Variants in SPAM1 observed in about 807,000 individuals in gnomAD.
SPAM1 encodes hyaluronidase PH-20.
In SPAM1, 22 loss-of-function variants were observed where a neutral mutation model predicts 29.6. The observed-to-expected ratio is 0.74, with a 90% confidence interval of 0.53 to 1.06. The LOEUF (loss-of-function observed/expected upper bound fraction) is 1.06. SPAM1 is among the 50% of genes least tolerant of loss of function. The pLI, the probability that SPAM1 is intolerant of heterozygous loss-of-function variation, is 0.00. For missense variants in SPAM1, 534 were observed against 604.0 expected (o/e 0.88, Z 1.21); for synonymous variants, 194 against 204.6 (o/e 0.95, Z 0.44).
intron 1 of SPAM1, among the ~76,000 whole-genome samples, chr7:123,927,719 A>G (rs1807934867): frequency 6.6e-6 from 1 of 152,192 alleles, no homozygotes; most frequent in Non-Finnish European, 1.5e-5. Flanking sequence ...TTATAAAGAA[A>G]GAGGTTATTA....
chr7:123,929,151 C>A (rs1807988692), intron 1 of SPAM1, among the ~76,000 whole-genome samples: 1 of 152,114 alleles, frequency 6.6e-6, no homozygotes, highest in Non-Finnish European at 1.5e-5. Flanking sequence ...GTTAATGCAG[C>A]ATGCCTTTGG....
chr7:123,949,340 CAG>C (rs1808690086), intron 1 of SPAM1, among the ~76,000 whole-genome samples: 1 of 152,024 alleles, frequency 6.6e-6, no homozygotes, highest in African/African-American at 2.4e-5. Context: ...AATGGACACT[CAG>C]AAAATACAAA....
At chr7:123,940,587 A>G (rs1044737904) in intron 1 of SPAM1, among the ~76,000 whole-genome samples, 6 of 151,634 alleles carry the variant, frequency 4.0e-5, no homozygotes, top group Admixed American at 1.3e-4. Flanking sequence ...TTCCTGGCTT[A>G]GAATGATTCT....
In SPAM1 at chr7:123,959,783, T is replaced by C. The variant is rs776018808; in HGVS notation, c.1344T>C (p.Asp448=). 3 of 1,613,142 alleles carry C rather than the reference T, an allele frequency of 1.9e-6. No homozygotes were observed. The highest frequency in any genetic ancestry group is 2.7e-5 in the African/African-American group (2 of 74,858). ...CCTTGAGTTGTAAGGAGAAAGCTGATGTAAAAGACACTGATGCTGTTGATG... is the reference window on the plus strand; with the variant it reads ...CCTTGAGTTGTAAGGAGAAAGCTGACGTAAAAGACACTGATGCTGTTGATG... ...YSTLSCKEKA[D]VKDTDAVDVC... Residue 448 remains aspartate (D), a synonymous_variant, in exon 5 of 5, where the codon GAT becomes GAC. Coordinates refer to ENST00000682466, the MANE Select transcript of SPAM1 (RefSeq NM_153189.3).
chr7:123,927,694 C>A (rs1022817089), intron 1 of SPAM1, among the ~76,000 whole-genome samples: 3 of 152,046 alleles, frequency 2.0e-5, no homozygotes, highest in East Asian at 3.8e-4. Context: ...TATAAGAGCA[C>A]CCTGTTTAGT....
intron 1 of SPAM1, among the ~76,000 whole-genome samples, chr7:123,928,988 T>G (rs1377750742): frequency 6.6e-6 from 1 of 152,112 alleles, no homozygotes; most frequent in Non-Finnish European, 1.5e-5. Flanking sequence ...CCTGCGAGCC[T>G]TTTTTCAAAG....
chr7:123,953,949 G>A lies in SPAM1; in HGVS notation c.379G>A (p.Ala127Thr), dbSNP rs1363591547. ...TTCCTTACAAGACCATCTGGACAAA[G>A]CTAAGAAAGACATTACATTTTATAT... ...KISLQDHLDK[A>T]KKDITFYMPV... is the part of the protein sequence containing the mutation. Residue 127 changes from alanine (A) to threonine (T), a missense_variant, in exon 3 of 5, where the codon GCT becomes ACT. Ala to Thr is a moderately conservative substitution (Grantham distance 58). Coordinates refer to ENST00000682466, the MANE Select transcript of SPAM1 (RefSeq NM_153189.3). The A allele has an allele frequency of 6.2e-7, 1 of 1,613,756 alleles. No homozygotes were observed. The highest frequency in any genetic ancestry group is 1.1e-5 in the South Asian group (1 of 91,076).
chr7:123,948,371 G>C (rs1456912766), intron 1 of SPAM1, among the ~76,000 whole-genome samples: 2 of 152,096 alleles, frequency 1.3e-5, no homozygotes, highest in Non-Finnish European at 2.9e-5. Flanking sequence ...AGGATACGAG[G>C]GCAATCAACT....
intron 1 of SPAM1, among the ~76,000 whole-genome samples, chr7:123,942,196 A>C (rs1441786056): frequency 6.6e-6 from 1 of 152,218 alleles, no homozygotes; most frequent in Non-Finnish European, 1.5e-5. Flanking sequence ...ATGGGGAAAA[A>C]GAGGAATAGA....
intron 1 of SPAM1, among the ~76,000 whole-genome samples, chr7:123,947,322 C>T (rs1007401688): frequency 3.3e-5 from 5 of 151,928 alleles, no homozygotes; most frequent in South Asian, 2.1e-4. Flanking sequence ...GTCGACGTGG[C>T]GAGATCACTT....
intron 1 of SPAM1, among the ~76,000 whole-genome samples, chr7:123,937,369 A>G (rs753771970): frequency 6.6e-6 from 1 of 152,162 alleles, no homozygotes; most frequent in Non-Finnish European, 1.5e-5. Flanking sequence ...TGGGAGGCCA[A>G]GGCGGGCGGA....
intron 4 of SPAM1, among the ~76,000 whole-genome samples, chr7:123,957,618 T>G (rs2117067690): frequency 6.6e-6 from 1 of 152,104 alleles, no homozygotes; most frequent in African/African-American, 2.4e-5. Flanking sequence ...AGAAGAAATT[T>G]GTTATCTTGT....
At chr7:123,967,582 A>G (rs1792444486) in intron 5 of SPAM1, among the ~76,000 whole-genome samples, 1 of 151,604 alleles carries the variant, frequency 6.6e-6, no homozygotes. Context: ...AGCATGGTGT[A>G]TGTGCGTGTG....
At chr7:123,938,561 T>C (rs1431026084) in intron 1 of SPAM1, among the ~76,000 whole-genome samples, 2 of 152,212 alleles carry the variant, frequency 1.3e-5, no homozygotes, top group Non-Finnish European at 2.9e-5. Context: ...ATTGATGTGA[T>C]TGGGTCCCTA....
chr7:123,946,518 G>A (rs576398294), intron 1 of SPAM1, among the ~76,000 whole-genome samples: 10 of 152,220 alleles, frequency 6.6e-5, no homozygotes, highest in Admixed American at 2.0e-4. Flanking sequence ...GGTTAAGGAC[G>A]TGCCTGTGAC....
At chr7:123,959,318 C>T (rs771791679) in intron 4 of SPAM1, among the ~76,000 whole-genome samples, 166 bp from the exon 5 acceptor site, 15 of 152,134 alleles carry the variant, frequency 9.9e-5, no homozygotes, top group Middle Eastern at 3.4e-3. Context: ...TTACAAAAAG[C>T]AGTTGGAATA....
chr7:123,957,909 T>A (rs942876103), intron 4 of SPAM1, among the ~76,000 whole-genome samples: 1 of 152,040 alleles, frequency 6.6e-6, no homozygotes, highest in Admixed American at 6.6e-5. Flanking sequence ...GAATCTCTCC[T>A]TCCTTCAGTT....
chr7:123,933,065 T>TA (rs781395632), intron 1 of SPAM1, among the ~76,000 whole-genome samples: 6 of 151,092 alleles, frequency 4.0e-5, no homozygotes, highest in African/African-American at 7.3e-5. Context: ...TTTTTTTTTT[T>TA]AAATTTACTT....
At chr7:123,969,605 TG>T (rs1165735398) in intron 5 of SPAM1, among the ~76,000 whole-genome samples, 2 of 152,138 alleles carry the variant, frequency 1.3e-5, no homozygotes, top group Admixed American at 6.6e-5. Flanking sequence ...CATAGAAACA[TG>T]GATTTATTTC....
Sources: allele counts gnomAD v4.1 joint callset (sites outside exome capture counted in the v4.1 genomes callset), GRCh38; gene constraint gnomAD v4.1.1; transcripts MANE v1.5; gene names NCBI Gene and HGNC (gene_info 2026-07-23, HGNC 2026-07-21).